Variants in SEPTIN3 observed in about 807,000 individuals in gnomAD.
SEPTIN3 encodes the protein neuronal-specific septin-3.
A neutral mutation model predicts 45.1 loss-of-function variants in SEPTIN3; 15 were observed. The observed-to-expected ratio is 0.33, with a 90% CI of 0.22 to 0.51. The LOEUF is 0.51. Ranked by LOEUF, SEPTIN3 falls within the 20% of genes least tolerant of loss-of-function variation. The pLI is 0.97. For missense variants in SEPTIN3, 289 were observed against 457.2 expected, an observed-to-expected ratio of 0.63 and a Z score of 3.35; for synonymous variants, 148 against 164.8, an observed-to-expected ratio of 0.90 and a Z score of 0.78.
In SEPTIN3 at chr22:41,997,239, T is replaced by G; in HGVS notation, c.*272T>G. On this transcript the variant is annotated 3_prime_UTR_variant, in exon 12 of 12. Transcript: ENST00000644076. The stretch of plus-strand genomic sequence containing the variant: ...TAGCCCATCTGCAGGGTGAAAGAAC[T>G]CATCAAGAGCTCCTTCTGCCCTTGT... 2.0e-6 allele frequency: 1 copy of G among 503,082 alleles called. No homozygotes were observed. Among genetic ancestry groups the G allele is most frequent in the South Asian group, 2.8e-5 (1 of 35,898 alleles). The allele number at this position is 503,082 out of a possible 1,614,324, so 31.2% of individuals were successfully genotyped here. A position where few individuals can be genotyped will look rare whatever the true frequency, so the allele number is the denominator to read the frequency against.
chr22:41,970,432 G>A (rs2077946947), intron 1 of SEPTIN3, among the ~76,000 whole-genome samples: 1 of 152,144 alleles, frequency 6.6e-6, no homozygotes, highest in Non-Finnish European at 1.5e-5. Flanking sequence ...ACGGAGCAGA[G>A]AGTTTCAACT....
At chr22:41,986,865 A>G (rs1012232275) in intron 4 of SEPTIN3, among the ~76,000 whole-genome samples, 3 of 151,160 alleles carry the variant, frequency 2.0e-5, no homozygotes, top group African/African-American at 7.3e-5. Flanking sequence ...AGTCCTAGCT[A>G]TTGGGGAGGC....
rs147322446 is a variant in SEPTIN3 at position 41,978,345 on chromosome 22, G to A, written c.1505-3300G>A. Reference sequence around the variant, plus strand: ...TGGGGCACAGAGATCAATAAGACACGGCCCCGCCCTAAAGAAGGGTGAGAA... The same window carrying A: ...TGGGGCACAGAGATCAATAAGACACAGCCCCGCCCTAAAGAAGGGTGAGAA... On this transcript the variant is annotated intron_variant, in intron 2 of 11. Coordinates refer to ENST00000644076, the MANE Select transcript of SEPTIN3 (RefSeq NM_001363845.2). Among the ~76,000 whole-genome samples, 803 of 152,308 alleles carry A rather than the reference G, an allele frequency of 5.3e-3. 5 individuals carry two copies. In the Middle Eastern group the frequency reaches 0.092, roughly 17 times the overall value.
Position 41,991,771 on chromosome 22 carries a change from C to A in SEPTIN3, c.2259+103C>A, listed in dbSNP as rs896897948. On this transcript the variant is annotated intron_variant, in intron 8 of 11. Transcript: ENST00000644076. ...TGTCTTTTCCCTTTCTGTACTCCCC[C>A]CAACCTTGCCTGACCCAGACCAGAA... is the stretch of plus-strand genomic sequence containing the variant. 1.3e-5 allele frequency: 11 copies of A among 837,608 alleles called. No individual in the cohort carries two copies. In the East Asian group the frequency reaches 1.7e-4, roughly 13 times the overall value. 51.9% of individuals were successfully genotyped at this position (837,608 alleles called of 1,614,324 possible). A position where few individuals can be genotyped will look rare whatever the true frequency, so the allele number is the denominator to read the frequency against.
Position 41,997,105 on chromosome 22 carries a change from G to A in SEPTIN3, c.*138G>A. On this transcript the variant is annotated 3_prime_UTR_variant, in exon 12 of 12. Transcript: ENST00000644076. ...CCTCAGTAGGTGGGAGGGGCCAGCT[G>A]CCTCTTTAGGCCAGTTGCATCCTCC... The A allele has an allele frequency of 6.8e-7, 1 of 1,471,234 alleles. No individual in the cohort carries two copies. The highest frequency in any genetic ancestry group is 9.1e-7 in the Non-Finnish European group (1 of 1,098,572). The allele number at this position is 1,471,234 out of a possible 1,614,324, so 91.1% of individuals were successfully genotyped here. A position where few individuals can be genotyped will look rare whatever the true frequency, so the allele number is the denominator to read the frequency against.
chr22:41,970,793 C>A (rs2077950932), intron 1 of SEPTIN3, among the ~76,000 whole-genome samples: 1 of 152,218 alleles, frequency 6.6e-6, no homozygotes, highest in South Asian at 2.1e-4. Context: ...GCATGGCAGC[C>A]TCTTCAAGGG....
At chr22:41,990,521 G>A (rs987828868) in intron 7 of SEPTIN3, among the ~76,000 whole-genome samples, 2 of 149,826 alleles carry the variant, frequency 1.3e-5, no homozygotes, top group Admixed American at 6.6e-5. Flanking sequence ...AGAGGCGGGT[G>A]AATCACGAAG....
Position 41,985,976 on chromosome 22 carries a change from T to C in SEPTIN3, c.1697-8T>C. 16 of 1,602,900 alleles carry C rather than the reference T, an allele frequency of 1.0e-5. No homozygotes were observed. The highest frequency in any genetic ancestry group is 1.4e-5 in the Non-Finnish European group (16 of 1,174,502). ...GTCTCCCTACCTCCTCCTCCTGCTT[T>C]GCTGTAGGCCAGAGTGGACTGGGCA... On this transcript the variant is annotated splice_polypyrimidine_tract_variant and splice_region_variant and intron_variant, in intron 3 of 11. Transcript: ENST00000644076.
In SEPTIN3 at chr22:41,990,838, T is replaced by C. The variant is rs1396096714; in HGVS notation, c.2164-735T>C. ...CAGCACTTTGGGAGGCCAAGGCGGG[T>C]GGATCACCTAAGGTCAGGAGTTCGA... On this transcript the variant is annotated intron_variant, in intron 7 of 11. Coordinates refer to ENST00000644076, the MANE Select transcript of SEPTIN3 (RefSeq NM_001363845.2). Among the ~76,000 whole-genome samples the C allele has an allele frequency of 2.9e-5, 4 of 139,476 alleles. No homozygotes were observed. The Admixed American group carries it at 2.9e-4, about 10-fold the overall frequency. 91.5% of individuals were successfully genotyped at this position (139,476 alleles called of 152,430 possible).
chr22:41,977,463 C>T (rs2146676106), intron 2 of SEPTIN3, among the ~76,000 whole-genome samples: 1 of 152,276 alleles, frequency 6.6e-6, no homozygotes, highest in East Asian at 1.9e-4. Context: ...CACGCTGAGA[C>T]AGGCACCAGC....
intron 9 of SEPTIN3, among the ~76,000 whole-genome samples, chr22:41,993,829 T>C (rs2078368936): frequency 6.6e-6 from 1 of 152,170 alleles, no homozygotes; most frequent in African/African-American, 2.4e-5. Flanking sequence ...CAACAGTGCT[T>C]GGCCAATGAT....
At position 41,994,196 on chromosome 22, in the gene SEPTIN3, A is replaced by T; in HGVS notation, c.2360-94A>T. 8.5e-7 allele frequency: 1 copy of T among 1,179,162 alleles called. No individual in the cohort carries two copies. The highest frequency in any genetic ancestry group is 1.2e-6 in the Non-Finnish European group (1 of 800,216). The allele number at this position is 1,179,162 out of a possible 1,614,324, so 73.0% of individuals were successfully genotyped here. A position where few individuals can be genotyped will look rare whatever the true frequency, so the allele number is the denominator to read the frequency against. ...TGACCTGTCCCATAGCTTTCTCCTA[A>T]ATGCCTCCGTGACCCAAACAGAAGC... On this transcript the variant is annotated intron_variant, in intron 9 of 11. Transcript: ENST00000644076. This position sits in a 1 kb window ranked among gnomAD's most constrained non-coding sequence, Gnocchi z 4.2.
rs555507321 is a variant in SEPTIN3 at position 41,990,546 on chromosome 22, C to G, written c.2163+862C>G. Among the ~76,000 whole-genome samples the G allele has an allele frequency of 4.3e-4, 60 of 137,938 alleles. No homozygotes were observed. In the South Asian group the frequency reaches 8.3e-3, roughly 19 times the overall value. 90.5% of individuals were successfully genotyped at this position (137,938 alleles called of 152,430 possible). On this transcript the variant is annotated intron_variant, in intron 7 of 11. Transcript: ENST00000644076. ...GAATCACGAAGTCAGGAGATCAAGA[C>G]CATCCTGGCTAACACGGTGAAACCC...
intron 6 of SEPTIN3, among the ~76,000 whole-genome samples, chr22:41,989,255 C>A (rs1012950227): frequency 2.0e-4 from 30 of 151,266 alleles, no homozygotes; most frequent in African/African-American, 6.8e-4. Flanking sequence ...TGAGTAGAGA[C>A]AGTAGTCCAC....
rs779058172 is a variant in SEPTIN3, at chr22:41,987,805, A to G, written c.2045+46A>G. On this transcript the variant is annotated intron_variant, in intron 6 of 11. Transcript: ENST00000644076. The stretch of plus-strand genomic sequence containing the variant: ...TATTGTCAGGCCTGGTCTGGTTTGT[A>G]TCATCTGTGCCCATCTGGATTGGAT... The G allele has an allele frequency of 5.7e-6, 9 of 1,580,124 alleles. No individual in the cohort carries two copies. The South Asian group carries it at 1.0e-4, about 18-fold the overall frequency.
Position 41,987,823 on chromosome 22 carries a change from G to C in SEPTIN3, c.2045+64G>C, listed in dbSNP as rs189763138. The C allele has an allele frequency of 7.3e-5, 113 of 1,546,614 alleles. No homozygotes were observed. The African/African-American group carries it at 1.2e-3, about 16-fold the overall frequency. Reference sequence around the variant, plus strand: ...GGTTTGTATCATCTGTGCCCATCTGGATTGGATGATCCATACGTTGACTCA... The same window carrying C: ...GGTTTGTATCATCTGTGCCCATCTGCATTGGATGATCCATACGTTGACTCA... On this transcript the variant is annotated intron_variant, in intron 6 of 11. Transcript: ENST00000644076.
At chr22:41,983,481 T>C (rs1050480239) in intron 3 of SEPTIN3, among the ~76,000 whole-genome samples, 1 of 152,170 alleles carries the variant, frequency 6.6e-6, no homozygotes, top group Non-Finnish European at 1.5e-5. Flanking sequence ...TACTTAAAAC[T>C]CTGTAACAAA....
chr22:41,991,714 C>T, intron 8 of SEPTIN3, 46 bp downstream of exon 8: 1 of 1,246,470 alleles, frequency 8.0e-7, no homozygotes, highest in Non-Finnish European at 1.2e-6. Context: ...CCCTTGCGAC[C>T]TCTGGGATGT....
chr22:41,977,108 A>G (rs2078039075), intron 2 of SEPTIN3: 4 of 1,587,452 alleles, frequency 2.5e-6, no homozygotes, highest in African/African-American at 1.4e-5. Context: ...GGCACCCGCC[A>G]GGAGGAGGCT....
Sources: allele counts gnomAD v4.1 joint callset (sites outside exome capture counted in the v4.1 genomes callset), GRCh38; gene constraint gnomAD v4.1.1; non-coding constraint Gnocchi (gnomAD v3.1); transcripts MANE v1.5; gene names NCBI Gene and HGNC (gene_info 2026-07-23, HGNC 2026-07-21).